The following PIGG variants were observed in gnomAD, a reference collection of about 807,000 sequenced individuals.
The protein encoded by PIGG is GPI ethanolamine phosphate transferase 2, catalytic subunit.
In PIGG, 70 loss-of-function variants were observed where a neutral mutation model predicts 83.2. The observed-to-expected ratio is 0.84, with a 90% CI of 0.69 to 1.03. PIGG has a LOEUF of 1.03. PIGG is among the 50% of genes least tolerant of loss of function. The probability of loss-of-function intolerance (pLI) is 0.00; values close to 1 mark genes in which losing one functional copy is unlikely to be tolerated. For missense variants in PIGG, 1,257 were observed against 1,233.6 expected, an observed-to-expected ratio of 1.02 and a Z score of -0.28; for synonymous variants, 532 against 519.5, an observed-to-expected ratio of 1.02 and a Z score of -0.33.
At chr4:507,378 G>A (rs1577023608) in intron 3 of PIGG, 27 bp from the exon 4 acceptor site, 1 of 1,569,776 alleles carries the variant, frequency 6.4e-7, no homozygotes. Flanking sequence ...TAGGTGAGTT[G>A]TTTATACGTG....
chr4:527,096 TG>T lies in PIGG; in HGVS notation c.2128del (p.Val710CysfsTer83), dbSNP rs1727844248. Reference sequence around the variant, plus strand: ...CTGCCCTCTCCCTCCTCGTAGTTTTTGTGCTGGTGCAGAGGGGGTGCTCCCC... The same window carrying T: ...CTGCCCTCTCCCTCCTCGTAGTTTTTTGCTGGTGCAGAGGGGGTGCTCCCC... Reference protein sequence around the residue: ...LAALSLLVVFVLVQRGCSPVS... With the variant: ...LAALSLLVVFXLVQRGCSPVS... On this transcript the variant is annotated frameshift_variant, in exon 10 of 13. Transcript: ENST00000453061. LOFTEE classifies it high-confidence loss of function. 6.2e-7 allele frequency: 1 copy of T among 1,614,014 alleles called. No individual in the cohort carries two copies. The highest frequency in any genetic ancestry group is 1.3e-5 in the African/African-American group (1 of 74,928).
chr4:511,248 G>A (rs1213962880), intron 5 of PIGG, among the ~76,000 whole-genome samples: 5 of 149,214 alleles, frequency 3.4e-5, no homozygotes, highest in South Asian at 2.1e-4. Flanking sequence ...AGCCGAGATC[G>A]TGCCATTGCA....
At position 499,364 on chromosome 4, in the gene PIGG, C is replaced by A. The variant is rs946101156; in HGVS notation, c.29C>A (p.Thr10Asn). The change falls in exon 1 of 13, where the codon ACC becomes AAC. Residue 10 changes from threonine (T) to asparagine (N), a missense_variant. By Grantham distance (65) the Thr-to-Asn change is moderately conservative. Transcript: ENST00000453061. ...CGGCTGGGCTCCGGGACTTTCGCTA[C>A]CTGTTGCGTAGCGATCGAGGTGCTA... MRLGSGTFA[T>N]CCVAIEVLGI... 6.2e-6 allele frequency: 10 copies of A among 1,609,704 alleles called. No individual in the cohort carries two copies. In the African/African-American group the frequency reaches 1.2e-4, roughly 19 times the overall value.
At position 521,884 on chromosome 4, in the gene PIGG, G is replaced by A; in HGVS notation, c.1557G>A (p.Leu519=). Residue 519 remains leucine (L), a synonymous_variant, in exon 8 of 13, where the codon CTG becomes CTA. Coordinates refer to ENST00000453061, the MANE Select transcript of PIGG (RefSeq NM_001127178.3). The stretch of plus-strand genomic sequence containing the variant: ...TGATGGTGCTGGCCTCGGCGCTGCT[G>A]TGTGTGATTGTGTCTGTTCTGACCA... ...GGVMVLASAL[L]CVIVSVLTNV... The A allele has an allele frequency of 6.2e-7, 1 of 1,614,206 alleles. No homozygotes were observed. The highest frequency in any genetic ancestry group is 8.5e-7 in the Non-Finnish European group (1 of 1,180,024).
Position 530,865 on chromosome 4 carries a change from T to C in PIGG, c.2571+120T>C. 3 of 709,950 alleles carry C rather than the reference T, an allele frequency of 4.2e-6. No individual in the cohort carries two copies. The South Asian group carries it at 5.5e-5, about 13-fold the overall frequency. 44.0% of individuals were successfully genotyped at this position (709,950 alleles called of 1,614,324 possible). A position where few individuals can be genotyped will look rare whatever the true frequency, so the allele number is the denominator to read the frequency against. On this transcript the variant is annotated intron_variant, in intron 11 of 12. Transcript: ENST00000453061. ...TGACTGTCAGTGTGGCATGGTGAAT[T>C]ACGCTGAACTCTCGTGTATTTTATA...
intron 7 of PIGG, 101 bp downstream of exon 7, chr4:521,374 G>A: frequency 1.3e-6 from 1 of 791,796 alleles, no homozygotes; most frequent in East Asian, 2.7e-5. Flanking sequence ...TATTAAAAAT[G>A]GGAAAATATT....
At chr4:499,686 T>C (rs1263251565) in intron 1 of PIGG, 197 bp downstream of exon 1, 1 of 1,403,320 alleles carries the variant, frequency 7.1e-7, no homozygotes, top group East Asian at 2.7e-5. Context: ...CAACCACCTC[T>C]ACTGGCCCCA....
chr4:511,479 A>C (rs56219405), intron 5 of PIGG, among the ~76,000 whole-genome samples: 4,465 of 152,198 alleles, frequency 0.029, 65 homozygotes, highest in Middle Eastern at 0.061. Context: ...GTGTGGATGT[A>C]TATTTCCTAT....
rs1423192274 is a variant in PIGG, at chr4:530,564, T to TA, written c.2391dup (p.Tyr798IlefsTer2). The TA allele has an allele frequency of 1.9e-6, 3 of 1,613,628 alleles. No individual in the cohort carries two copies. The African/African-American group carries it at 4.0e-5, about 22-fold the overall frequency. ...CTCAAGACTGTAGGTTTATGGGAGA[T>TA]ATATAGTGGATTAGTTCTTCTGGCA... On this transcript the variant is annotated frameshift_variant, in exon 11 of 13. Coordinates refer to ENST00000453061, the MANE Select transcript of PIGG (RefSeq NM_001127178.3). LOFTEE classifies it high-confidence loss of function.
At chr4:508,681 G>A (rs1474167057) in intron 4 of PIGG, 148 bp from the exon 5 acceptor site, 6 of 655,962 alleles carry the variant, frequency 9.1e-6, no homozygotes, top group Non-Finnish European at 1.6e-5. Flanking sequence ...CTGTGATCTG[G>A]CTATGAGCTC....
intron 1 of PIGG, 97 bp downstream of exon 1, chr4:499,586 C>T: frequency 6.9e-7 from 1 of 1,447,416 alleles, no homozygotes; most frequent in Non-Finnish European, 9.1e-7. Context: ...TCTCGGCGCT[C>T]CCCGGTGGTC....
At chr4:536,806 G>A (rs1344444588) in intron 12 of PIGG, 1 of 152,300 alleles carries the variant, frequency 6.6e-6, no homozygotes, top group Non-Finnish European at 1.5e-5. Flanking sequence ...ACAGCTGTGC[G>A]CGGCGTGATC....
At chr4:537,994 C>A (rs1224220321) in intron 12 of PIGG, among the ~76,000 whole-genome samples, 1 of 151,680 alleles carries the variant, frequency 6.6e-6, no homozygotes, top group Non-Finnish European at 1.5e-5. Flanking sequence ...CATGTGGGGC[C>A]CAGACACACA....
rs1445086053 is a variant in PIGG at position 523,595 on chromosome 4, C to A, written c.1751C>A (p.Thr584Asn). 1.2e-6 allele frequency: 2 copies of A among 1,614,142 alleles called. No individual in the cohort carries two copies. Among genetic ancestry groups the A allele is most frequent in the Non-Finnish European group, 1.7e-6 (2 of 1,180,010 alleles). Residue 584 changes from threonine (T) to asparagine (N), a missense_variant, in exon 9 of 13, where the codon ACC becomes AAC. Transcript: ENST00000453061. ...CAGACCTGGTACTTCCTTGTGAACA[C>A]CCTGTGTCTAGCTCTGAGCCAAGAA... Reference protein sequence around the residue: ...EHQTWYFLVNTLCLALSQETY... With the variant: ...EHQTWYFLVNNLCLALSQETY...
intron 2 of PIGG, chr4:501,795 A>G (rs1717838384): frequency 6.6e-6 from 1 of 152,438 alleles, no homozygotes; most frequent in Non-Finnish European, 1.5e-5. Context: ...GGAGGGAGGC[A>G]GTGAAGAACA....
intron 2 of PIGG, among the ~76,000 whole-genome samples, chr4:505,292 A>G (rs1719211461): frequency 6.6e-6 from 1 of 152,030 alleles, no homozygotes; most frequent in South Asian, 2.1e-4. Flanking sequence ...TTGAGTTTAC[A>G]GTTTTTCACC....
At position 539,384 on chromosome 4, in the gene PIGG, T is replaced by A. The variant is rs370693485; in HGVS notation, c.*15T>A. On this transcript the variant is annotated 3_prime_UTR_variant, in exon 13 of 13. Coordinates refer to ENST00000453061, the MANE Select transcript of PIGG (RefSeq NM_001127178.3). ...CACAGTCTTAGACTAAGCTGAACAC[T>A]GGAAAAATAATACATGCTTAAAGTC... 1.2e-5 allele frequency: 17 copies of A among 1,461,028 alleles called. No individual in the cohort carries two copies. The highest frequency in any genetic ancestry group is 1.8e-5 in the Admixed American group (1 of 56,976). The allele number at this position is 1,461,028 out of a possible 1,614,324, so 90.5% of individuals were successfully genotyped here.
chr4:500,732 C>T, intron 2 of PIGG, 131 bp downstream of exon 2: 2 of 657,800 alleles, frequency 3.0e-6, no homozygotes, highest in African/African-American at 1.8e-5. Flanking sequence ...TTGGCTGGGG[C>T]AATAGAATGT....
At chr4:533,256 G>C (rs1341959230) in intron 11 of PIGG, 1 of 159,072 alleles carries the variant, frequency 6.3e-6, no homozygotes, top group East Asian at 1.8e-4. Context: ...CCAGATGTGA[G>C]TTACCAATTT....
Sources: allele counts gnomAD v4.1 joint callset (sites outside exome capture counted in the v4.1 genomes callset), GRCh38; gene constraint gnomAD v4.1.1; transcripts MANE v1.5; gene names NCBI Gene and HGNC (gene_info 2026-07-23, HGNC 2026-07-21).